CCDC7: variants seen among roughly 807,000 people sequenced by gnomAD.
CCDC7 encodes coiled-coil domain containing 7.
A neutral mutation model predicts 196.9 loss-of-function variants in CCDC7; 183 were observed. That is an observed-to-expected ratio of 0.93 (90% CI 0.82 to 1.05). CCDC7 has a LOEUF of 1.05. Ranked by LOEUF, CCDC7 falls within the 50% of genes least tolerant of loss-of-function variation. The probability of loss-of-function intolerance (pLI) is 0.00; values close to 1 mark genes in which losing one functional copy is unlikely to be tolerated. For missense variants in CCDC7, 1,540 were observed against 1,482.2 expected, an observed-to-expected ratio of 1.04 and a Z score of -0.64; for synonymous variants, 525 against 484.6, an observed-to-expected ratio of 1.08 and a Z score of -1.10.
In CCDC7 at chr10:32,769,708, A is replaced by C. The variant is rs923072800; in HGVS notation, c.2906-9269A>C. ...CATGTTTTCTCATTGTTCAACTCCCACTTATGAGTGAGAACATGCAGTGTT... is the reference window on the plus strand; with the variant it reads ...CATGTTTTCTCATTGTTCAACTCCCCCTTATGAGTGAGAACATGCAGTGTT... On this transcript the variant is annotated intron_variant, in intron 28 of 41. Transcript: ENST00000639629. Among the ~76,000 whole-genome samples the C allele has an allele frequency of 1.2e-4, 16 of 137,796 alleles. No individual in the cohort carries two copies. The Admixed American group carries it at 1.2e-3, about 10-fold the overall frequency. 90.4% of individuals were successfully genotyped at this position (137,796 alleles called of 152,430 possible). A position where few individuals can be genotyped will look rare whatever the true frequency, so the allele number is the denominator to read the frequency against.
intron 28 of CCDC7, among the ~76,000 whole-genome samples, chr10:32,773,835 T>C (rs1332032804): frequency 4.6e-5 from 7 of 152,164 alleles, no homozygotes; most frequent in African/African-American, 7.2e-5. Context: ...TAGAACTTAA[T>C]TACTGGTCTG....
intron 26 of CCDC7, 44 bp downstream of exon 27, chr10:32,726,876 A>G: frequency 8.6e-7 from 1 of 1,161,172 alleles, no homozygotes; most frequent in Non-Finnish European, 1.2e-6. Context: ...TTTTAAAATT[A>G]AACTTATCAG....
chr10:32,731,129 T>C (rs2083896489), intron 28 of CCDC7, among the ~76,000 whole-genome samples: 1 of 151,924 alleles, frequency 6.6e-6, no homozygotes, highest in Non-Finnish European at 1.5e-5. Flanking sequence ...ATTAGATGTA[T>C]ACAAATAAAA....
At chr10:32,742,952 C>T (rs2086128316) in intron 28 of CCDC7, among the ~76,000 whole-genome samples, 1 of 152,168 alleles carries the variant, frequency 6.6e-6, no homozygotes, top group African/African-American at 2.4e-5. Flanking sequence ...TAGTAATATA[C>T]ATTTTAAGGT....
chr10:32,614,841 G>C (rs996968089), intron 18 of CCDC7, among the ~76,000 whole-genome samples: 6 of 152,110 alleles, frequency 3.9e-5, no homozygotes, highest in African/African-American at 7.2e-5. Context: ...TTTCCACTCT[G>C]TGTGTCCATT....
chr10:32,527,868 T>A (rs1342762383), intron 11 of CCDC7, among the ~76,000 whole-genome samples: 1 of 152,152 alleles, frequency 6.6e-6, no homozygotes, highest in Non-Finnish European at 1.5e-5. Context: ...TTTTTATTTT[T>A]ATTTTTAATT....
intron 41 of CCDC7, among the ~76,000 whole-genome samples, chr10:32,873,318 T>C (rs2094495096): frequency 6.6e-6 from 1 of 152,136 alleles, no homozygotes; most frequent in East Asian, 1.9e-4. Flanking sequence ...TTCTTCCAGT[T>C]GATCGAATTG....
chr10:32,459,645 C>CT (rs2035162956), intron 3 of CCDC7, among the ~76,000 whole-genome samples: 5 of 40,808 alleles, frequency 1.2e-4, no homozygotes, highest in African/African-American at 3.9e-4. Flanking sequence ...CCCTGCTGCA[C>CT]ATTTTTTTTT....
At chr10:32,760,967 A>G (rs2077373752) in intron 28 of CCDC7, among the ~76,000 whole-genome samples, 1 of 152,010 alleles carries the variant, frequency 6.6e-6, no homozygotes, top group Admixed American at 6.6e-5. Flanking sequence ...ATTGTGTGCT[A>G]GTCATGGTGA....
intron 5 of CCDC7, among the ~76,000 whole-genome samples, chr10:32,470,039 TCTC>T (rs2133880491): frequency 6.6e-6 from 1 of 152,310 alleles, no homozygotes; most frequent in African/African-American, 2.4e-5. Flanking sequence ...TTTCCTTAGG[TCTC>T]CTGCTTCTCT....
exon 29 of CCDC7, chr10:32,779,004 C>G: frequency 6.5e-7 from 1 of 1,550,058 alleles, no homozygotes; most frequent in Non-Finnish European, 8.7e-7. Flanking sequence ...TCAGAACTTC[C>G]AGATACAGCA....
intron 20 of CCDC7, among the ~76,000 whole-genome samples, chr10:32,652,422 C>T (rs1204166244): frequency 6.6e-6 from 1 of 151,994 alleles, no homozygotes; most frequent in Non-Finnish European, 1.5e-5. Context: ...GGTTATTATG[C>T]ATAATTAAGG....
At chr10:32,702,954 C>G (rs1252240609) in intron 24 of CCDC7, among the ~76,000 whole-genome samples, 1 of 152,104 alleles carries the variant, frequency 6.6e-6, no homozygotes, top group Admixed American at 6.5e-5. Context: ...ACTGATGGGT[C>G]TTGACTCTTT....
intron 22 of CCDC7, among the ~76,000 whole-genome samples, chr10:32,688,209 A>T (rs1047582324): frequency 1.3e-5 from 2 of 152,176 alleles, no homozygotes; most frequent in African/African-American, 4.8e-5. Context: ...TTATGGTAGA[A>T]GCAAACTATT....
rs549180935 is a variant in CCDC7 at position 32,611,538 on chromosome 10, G to A, written c.1802-22716G>A. Reference sequence around the variant, plus strand: ...GGTATTGCCTAGGTTTTCTTCTAGGGTTTTTATGGTTTTAGGTCTTACATT... The same window carrying A: ...GGTATTGCCTAGGTTTTCTTCTAGGATTTTTATGGTTTTAGGTCTTACATT... On this transcript the variant is annotated intron_variant, in intron 18 of 41. Transcript: ENST00000639629. Among the ~76,000 whole-genome samples the A allele has an allele frequency of 1.1e-4, 16 of 152,252 alleles. No homozygotes were observed. In the East Asian group the frequency reaches 2.7e-3, roughly 26 times the overall value.
downstream of CCDC7, among the ~76,000 whole-genome samples, chr10:32,880,079 GC>G (rs2094733967): frequency 6.6e-6 from 1 of 152,128 alleles, no homozygotes; most frequent in Non-Finnish European, 1.5e-5. Context: ...TAATGGGATT[GC>G]TGGGTCAAAT....
chr10:32,612,013 A>G (rs1361259027), intron 18 of CCDC7, among the ~76,000 whole-genome samples: 2 of 152,160 alleles, frequency 1.3e-5, no homozygotes, highest in African/African-American at 2.4e-5. Context: ...TTGGGACAAT[A>G]TGGCCATTTT....
At chr10:32,647,873 TTTGGGGAC>T (rs1475985707) in intron 20 of CCDC7, among the ~76,000 whole-genome samples, 1 of 152,254 alleles carries the variant, frequency 6.6e-6, no homozygotes, top group East Asian at 1.9e-4. Context: ...TGCATTTGCT[TTTGGGGAC>T]TTAGCCAAAA....
intron 21 of CCDC7, among the ~76,000 whole-genome samples, chr10:32,667,966 G>T (rs2073180662): frequency 6.6e-6 from 1 of 151,970 alleles, no homozygotes; most frequent in Admixed American, 6.6e-5. Context: ...GGGCAGTATG[G>T]CCATTTTCAC....
Sources: gnomAD v4.1 joint callset for allele counts (sites outside exome capture counted in the v4.1 genomes callset) on GRCh38, gnomAD v4.1.1 for gene constraint, MANE v1.5 for transcripts, NCBI Gene and HGNC (gene_info 2026-07-23, HGNC 2026-07-21) for gene names.